The following LIMCH1 variants were observed in gnomAD, a reference collection of about 807,000 sequenced individuals.
LIMCH1 encodes the protein LIM and calponin homology domains 1.
LIMCH1 carries 113 observed loss-of-function variants against 176.5 expected under a neutral mutation model. That is an observed-to-expected ratio of 0.64 (90% confidence interval 0.55 to 0.75). LIMCH1 has a LOEUF of 0.75. Ranked by LOEUF, LIMCH1 falls within the 30% of genes least tolerant of loss-of-function variation. The pLI is 0.00. For missense variants in LIMCH1, 1,674 were observed against 1,814.9 expected (o/e 0.92, Z 1.41); for synonymous variants, 619 against 645.9 (o/e 0.96, Z 0.63).
chr4:41,677,178 T>C (rs1247044138), intron 23 of LIMCH1, among the ~76,000 whole-genome samples: 4 of 145,962 alleles, frequency 2.7e-5, no homozygotes, highest in South Asian at 2.2e-4. Flanking sequence ...AAAAAGCCGA[T>C]GTGAGTGGAT....
At chr4:41,503,729 T>A (rs1271135545) in intron 2 of LIMCH1, among the ~76,000 whole-genome samples, 1 of 152,168 alleles carries the variant, frequency 6.6e-6, no homozygotes, top group Non-Finnish European at 1.5e-5. Context: ...AATCTATAGA[T>A]CACTCCTTCC....
At chr4:41,638,507 G>C (rs1368548604) in intron 13 of LIMCH1, among the ~76,000 whole-genome samples, 1 of 152,182 alleles carries the variant, frequency 6.6e-6, no homozygotes, top group Non-Finnish European at 1.5e-5. Flanking sequence ...GGGTGCACTT[G>C]TACAGTGGGT....
chr4:41,647,159 T>C (rs1357322076), intron 17 of LIMCH1, among the ~76,000 whole-genome samples: 1 of 152,212 alleles, frequency 6.6e-6, no homozygotes, highest in Non-Finnish European at 1.5e-5. Flanking sequence ...GTCTATTTTC[T>C]AGTTTGATAT....
chr4:41,460,455 CATCTATATATATAT>C (rs1396916051), intron 1 of LIMCH1, among the ~76,000 whole-genome samples: 1 of 92,166 alleles, frequency 1.1e-5, no homozygotes, highest in Non-Finnish European at 2.0e-5. Context: ...CTATAGTAAT[CATCTATATATATAT>C]ATATATATAT....
chr4:41,528,125 T>C (rs2076875862), intron 3 of LIMCH1, among the ~76,000 whole-genome samples: 1 of 142,492 alleles, frequency 7.0e-6, no homozygotes, highest in African/African-American at 3.0e-5. Context: ...TGAAATGAAA[T>C]GTCATGTATA....
chr4:41,566,191 C>T (rs2082743230), intron 1 of LIMCH1, among the ~76,000 whole-genome samples: 1 of 152,126 alleles, frequency 6.6e-6, no homozygotes, highest in Admixed American at 6.5e-5. Context: ...TCTATGAGGA[C>T]TGGAATCAAC....
intron 9 of LIMCH1, 141 bp from the exon 10 acceptor site, chr4:41,631,007 G>A (rs1424594414): frequency 1.4e-6 from 1 of 705,102 alleles, no homozygotes; most frequent in Non-Finnish European, 2.2e-6. Flanking sequence ...CATTGAGGTT[G>A]GTTGAATCCC....
chr4:41,591,351 C>G (rs971763036), intron 1 of LIMCH1, among the ~76,000 whole-genome samples: 1 of 152,114 alleles, frequency 6.6e-6, no homozygotes, highest in East Asian at 1.9e-4. Context: ...AGGTGATTCT[C>G]CCACCCCAGC....
intron 4 of LIMCH1, chr4:41,612,832 C>A: frequency 8.0e-7 from 1 of 1,252,954 alleles, no homozygotes; most frequent in Non-Finnish European, 1.1e-6. Flanking sequence ...AAGCGTTTTG[C>A]ATATTTTTCA....
chr4:41,635,918 CTT>C (rs1425604152), intron 13 of LIMCH1, among the ~76,000 whole-genome samples: 1 of 152,042 alleles, frequency 6.6e-6, no homozygotes, highest in Non-Finnish European at 1.5e-5. Context: ...CAAAAGTAAA[CTT>C]TATTTTATTT....
At position 41,642,723 on chromosome 4, in the gene LIMCH1, T is replaced by A. The variant is rs144404769; in HGVS notation, c.2127-1777T>A. ...ATAGGCGTGTGCTAGCATGCCTAAT[T>A]TTTTTTCTTTTTTCTTTTTTTTTTT... On this transcript the variant is annotated intron_variant, in intron 14 of 31. Transcript: ENST00000503057. 8.2e-3 allele frequency among the ~76,000 whole-genome samples: 1,036 copies of A among 126,050 alleles called. 14 individuals are homozygous for A. The highest frequency in any genetic ancestry group is 0.031 in the African/African-American group (970 of 31,750). The allele number at this position is 126,050 out of a possible 152,430, so 82.7% of individuals were successfully genotyped here. A position where few individuals can be genotyped will look rare whatever the true frequency, so the allele number is the denominator to read the frequency against.
chr4:41,430,057 T>G (rs2061458224), intron 1 of LIMCH1, among the ~76,000 whole-genome samples: 1 of 152,174 alleles, frequency 6.6e-6, no homozygotes, highest in African/African-American at 2.4e-5. Flanking sequence ...TTGGAAATAT[T>G]TGGTGAACAG....
upstream of LIMCH1, among the ~76,000 whole-genome samples, chr4:41,535,181 A>G (rs1012769910): frequency 3.5e-5 from 5 of 141,622 alleles, no homozygotes; most frequent in East Asian, 1.9e-4. Flanking sequence ...AAAAAAAAAA[A>G]AAAGAAAAGA....
chr4:41,528,301 G>T (rs555496621), intron 3 of LIMCH1, among the ~76,000 whole-genome samples: 2 of 152,086 alleles, frequency 1.3e-5, no homozygotes, highest in Non-Finnish European at 2.9e-5. Context: ...AAGGGCGTAC[G>T]GGGGTCATGG....
chr4:41,681,026 C>G lies in LIMCH1; in HGVS notation c.3684C>G (p.Thr1228=), dbSNP rs767294011. ...VSSSSADQLS[T]SSSMTEGSGT... ...CAAGTTCCGCTGACCAGCTGTCTAC[C>G]TCTTCCTCCATGACTGAAGGCAGTG... The change falls in exon 25 of 32, where the codon ACC becomes ACG. Residue 1228 remains threonine, a synonymous_variant. Transcript: ENST00000503057. 1 of 1,611,952 alleles carries G rather than the reference C, an allele frequency of 6.2e-7. No homozygotes were observed. The highest frequency in any genetic ancestry group is 1.1e-5 in the South Asian group (1 of 90,970).
Position 41,415,520 on chromosome 4 carries a change from A to G in LIMCH1, c.96+54584A>G, listed in dbSNP as rs1327385438. On this transcript the variant is annotated intron_variant, in intron 1 of 26. Coordinates refer to the LIMCH1 transcript ENST00000313860. ...TGAAGCAGCATGCTGCAGGAGAAAA[A>G]GGAGAGGCCCAGGAGTCTGAAACCC... Among the ~76,000 whole-genome samples the G allele has an allele frequency of 2.6e-5, 4 of 152,144 alleles. No individual in the cohort carries two copies. In the East Asian group the frequency reaches 7.7e-4, roughly 29 times the overall value.
intron 1 of LIMCH1, among the ~76,000 whole-genome samples, chr4:41,408,742 C>T (rs986326024): frequency 1.1e-4 from 17 of 152,172 alleles, no homozygotes; most frequent in African/African-American, 4.1e-4. Flanking sequence ...ATAACATCTT[C>T]ATTTTGTTCT....
chr4:41,460,657 G>A (rs754977591), intron 1 of LIMCH1, among the ~76,000 whole-genome samples: 10 of 151,922 alleles, frequency 6.6e-5, no homozygotes, highest in South Asian at 4.2e-4. Flanking sequence ...ATAAAAGCCC[G>A]AAAGAGCCAC....
intron 1 of LIMCH1, among the ~76,000 whole-genome samples, chr4:41,481,836 G>C (rs2154167793): frequency 6.6e-6 from 1 of 151,752 alleles, no homozygotes; most frequent in Non-Finnish European, 1.5e-5. Context: ...ATTGATCTTA[G>C]TGTGAAATAG....
Sources: allele counts gnomAD v4.1 joint callset (sites outside exome capture counted in the v4.1 genomes callset), GRCh38; gene constraint gnomAD v4.1.1; transcripts MANE v1.5; gene names NCBI Gene and HGNC (gene_info 2026-07-23, HGNC 2026-07-21).